Variants in COL14A1 observed in about 807,000 individuals in gnomAD.
The protein encoded by COL14A1 is collagen alpha-1(XIV) chain.
COL14A1 carries 136 observed loss-of-function variants against 230.3 expected under a neutral mutation model. That is an observed-to-expected ratio of 0.59 (90% confidence interval 0.51 to 0.68). The LOEUF (loss-of-function observed/expected upper bound fraction) is 0.68. Among genes scored for constraint, COL14A1 ranks in the 30% least tolerant of loss-of-function variants. The probability of loss-of-function intolerance (pLI) is 0.00; values close to 1 mark genes in which losing one functional copy is unlikely to be tolerated. For synonymous variants in COL14A1, 792 were observed against 784.1 expected (o/e 1.01, Z -0.17); for missense variants, 1,976 against 2,215.8 (o/e 0.89, Z 2.17).
At chr8:120,238,478 AG>A (rs1245307141) in intron 19 of COL14A1, among the ~76,000 whole-genome samples, 1 of 152,112 alleles carries the variant, frequency 6.6e-6, no homozygotes, top group African/African-American at 2.4e-5. Context: ...CGAGCATCCC[AG>A]GTTGACTTCA....
At chr8:120,166,235 G>C (rs1218898809) in intron 4 of COL14A1, among the ~76,000 whole-genome samples, 1 of 152,188 alleles carries the variant, frequency 6.6e-6, no homozygotes, top group Non-Finnish European at 1.5e-5. Flanking sequence ...GTTTAAGGCA[G>C]ATATCTGGAT....
At chr8:120,301,831 A>C (rs1820723609) in intron 36 of COL14A1, among the ~76,000 whole-genome samples, 1 of 152,176 alleles carries the variant, frequency 6.6e-6, no homozygotes, top group Non-Finnish European at 1.5e-5. Flanking sequence ...ACAGTGTATA[A>C]GTGTTCCCTT....
At chr8:120,201,846 AC>A (rs1221757785) in intron 8 of COL14A1, among the ~76,000 whole-genome samples, 2 of 152,144 alleles carry the variant, frequency 1.3e-5, no homozygotes, top group Non-Finnish European at 2.9e-5. Context: ...AGTCGTGATG[AC>A]CATTTCCTCT....
chr8:120,281,090 T>C, intron 31 of COL14A1, 31 bp downstream of exon 31: 2 of 1,589,856 alleles, frequency 1.3e-6, no homozygotes, highest in Non-Finnish European at 1.7e-6. Context: ...TTTAAAGTCA[T>C]CGTATGTTTA....
chr8:120,354,425 C>T (rs961380124), intron 45 of COL14A1, among the ~76,000 whole-genome samples: 4 of 147,820 alleles, frequency 2.7e-5, no homozygotes, highest in Non-Finnish European at 5.9e-5. Context: ...ACACTATCCC[C>T]ATACAATGTC....
intron 1 of COL14A1, among the ~76,000 whole-genome samples, chr8:120,128,518 T>G (rs1010122166): frequency 3.3e-5 from 5 of 152,138 alleles, no homozygotes; most frequent in Non-Finnish European, 7.3e-5. Context: ...GAGGATCACC[T>G]GAGGTCAAGA....
intron 37 of COL14A1, among the ~76,000 whole-genome samples, chr8:120,310,555 A>C (rs1238214617): frequency 6.6e-6 from 1 of 152,196 alleles, no homozygotes; most frequent in Non-Finnish European, 1.5e-5. Flanking sequence ...ACATTGTTCA[A>C]AGGCACCTGC....
In COL14A1 at chr8:120,178,833, G is replaced by C. The variant is rs1252287106; in HGVS notation, c.436+10586G>C. Among the ~76,000 whole-genome samples, 5 of 152,032 alleles carry C rather than the reference G, an allele frequency of 3.3e-5. No individual in the cohort carries two copies. The East Asian group carries it at 9.6e-4, about 29-fold the overall frequency. ...TTGAGTTTCTCTAATGACCAATGAT[G>C]ATGAGCTTTTTTTTCATGTTTGTTG... On this transcript the variant is annotated intron_variant, in intron 5 of 47. Coordinates refer to ENST00000297848, the MANE Select transcript of COL14A1 (RefSeq NM_021110.4).
chr8:120,196,700 A>G, intron 5 of COL14A1, 91 bp from the exon 6 acceptor site: 1 of 1,268,564 alleles, frequency 7.9e-7, no homozygotes, highest in Non-Finnish European at 1.1e-6. Context: ...TTGTATTCTT[A>G]GCACTAAGTT....
chr8:120,263,555 G>A lies in COL14A1; in HGVS notation c.3016+541G>A, dbSNP rs191535062. Among the ~76,000 whole-genome samples the A allele has an allele frequency of 4.6e-5, 7 of 152,288 alleles. No homozygotes were observed. The Middle Eastern group carries it at 0.01, about 222-fold the overall frequency. On this transcript the variant is annotated intron_variant, in intron 24 of 47. Coordinates refer to ENST00000297848, the MANE Select transcript of COL14A1 (RefSeq NM_021110.4). ...AAGCTCTTTTTACATGTTCCAAAGA[G>A]CAAGGAGAGTGTCAACTTCTTGAAA...
intron 5 of COL14A1, among the ~76,000 whole-genome samples, chr8:120,174,856 AGGAGGT>A (rs1816222307): frequency 6.6e-6 from 1 of 152,094 alleles, no homozygotes; most frequent in African/African-American, 2.4e-5. Context: ...TACGGCTCCT[AGGAGGT>A]GGAGGGGCAT....
At chr8:120,262,414 A>G (rs1291279857) in intron 23 of COL14A1, among the ~76,000 whole-genome samples, 1 of 151,966 alleles carries the variant, frequency 6.6e-6, no homozygotes, top group Non-Finnish European at 1.5e-5. Flanking sequence ...AGAGGTTGCA[A>G]TGAGCTGAGA....
intron 34 of COL14A1, 136 bp downstream of exon 34, chr8:120,289,902 G>A (rs1820321136): frequency 1.2e-6 from 1 of 831,254 alleles, no homozygotes; most frequent in Non-Finnish European, 1.9e-6. Context: ...ATGGATGGAT[G>A]GATGGATGGA....
chr8:120,149,761 C>T (rs1158327642), intron 2 of COL14A1, among the ~76,000 whole-genome samples: 5 of 148,658 alleles, frequency 3.4e-5, no homozygotes, highest in Admixed American at 6.8e-5. Context: ...ATGGCGCAGT[C>T]TCGGCTAACT....
intron 6 of COL14A1, among the ~76,000 whole-genome samples, chr8:120,197,506 A>G (rs370532049): frequency 9.9e-5 from 15 of 152,152 alleles, no homozygotes; most frequent in African/African-American, 3.6e-4. Flanking sequence ...GAATAAATCA[A>G]CAACAAATAA....
At chr8:120,162,300 A>T (rs1048372605) in intron 3 of COL14A1, 126 bp from the exon 4 acceptor site, 1 of 665,112 alleles carries the variant, frequency 1.5e-6, no homozygotes, top group Non-Finnish European at 2.4e-6. Context: ...TAAAATATAT[A>T]CAATAAAACA....
At chr8:120,196,986 T>C in intron 6 of COL14A1, 40 bp downstream of exon 6, 1 of 1,587,184 alleles carries the variant, frequency 6.3e-7, no homozygotes, top group Non-Finnish European at 8.6e-7. Flanking sequence ...CAGTTGTCAG[T>C]GCAAAACTGC....
intron 2 of COL14A1, among the ~76,000 whole-genome samples, chr8:120,149,989 C>T (rs1815228568): frequency 6.6e-6 from 1 of 152,130 alleles, no homozygotes; most frequent in East Asian, 1.9e-4. Context: ...CCATCGTGCC[C>T]AGCCACCAAA....
Position 120,218,509 on chromosome 8 carries a change from C to A in COL14A1, c.1737+2019C>A, listed in dbSNP as rs113880153. Among the ~76,000 whole-genome samples the A allele has an allele frequency of 6.9e-3, 1,047 of 151,964 alleles. 14 individuals are homozygous for A. Among genetic ancestry groups the A allele is most frequent in the African/African-American group, 0.023 (948 of 41,442 alleles). On this transcript the variant is annotated intron_variant, in intron 14 of 47. Transcript: ENST00000297848. The stretch of plus-strand genomic sequence containing the variant: ...ATTTTTAGTAGAGACAGGGTTTCAC[C>A]ATGTTGTGCAGGCTAGTCTCAAACT...
Sources: gnomAD v4.1 joint callset for allele counts (sites outside exome capture counted in the v4.1 genomes callset) on GRCh38, gnomAD v4.1.1 for gene constraint, MANE v1.5 for transcripts, NCBI Gene and HGNC (gene_info 2026-07-23, HGNC 2026-07-21) for gene names.